ADAMTSL3: variants seen among roughly 807,000 people sequenced by gnomAD.
The protein encoded by ADAMTSL3 is ADAMTS like 3.
ADAMTSL3 carries 128 observed loss-of-function variants against 201.7 expected under a neutral mutation model. That is an observed-to-expected ratio of 0.63 (90% CI 0.55 to 0.73). The LOEUF (loss-of-function observed/expected upper bound fraction) is 0.73. Ranked by LOEUF, ADAMTSL3 falls within the 30% of genes least tolerant of loss-of-function variation. The pLI is 0.00. For synonymous variants in ADAMTSL3, 738 were observed against 748.4 expected, an observed-to-expected ratio of 0.99 and a Z score of 0.23; for missense variants, 1,990 against 2,119.6, an observed-to-expected ratio of 0.94 and a Z score of 1.20.
At chr15:83,839,137 T>C (rs949838110) in intron 7 of ADAMTSL3, among the ~76,000 whole-genome samples, 2 of 152,240 alleles carry the variant, frequency 1.3e-5, no homozygotes, top group African/African-American at 4.8e-5. Context: ...TACCCCCTTG[T>C]TGGTGGTATT....
chr15:83,794,549 A>T (rs529594999), intron 4 of ADAMTSL3, among the ~76,000 whole-genome samples: 33 of 152,310 alleles, frequency 2.2e-4, no homozygotes, highest in African/African-American at 7.9e-4. Flanking sequence ...AGTTATAAAA[A>T]TCCAATCTCT....
intron 19 of ADAMTSL3, among the ~76,000 whole-genome samples, chr15:83,960,502 G>A (rs1324777819): frequency 1.3e-5 from 2 of 152,064 alleles, no homozygotes; most frequent in Admixed American, 1.3e-4. Flanking sequence ...GGATCATGAA[G>A]TACCTCGGAA....
At chr15:83,655,932 C>A in intron 2 of ADAMTSL3, 102 bp downstream of exon 2, 1 of 1,214,006 alleles carries the variant, frequency 8.2e-7, no homozygotes, top group Non-Finnish European at 1.2e-6. Flanking sequence ...TAGTGTTAAT[C>A]CTACACCAGA....
At chr15:83,857,814 ATTG>A (rs1424307911) in intron 7 of ADAMTSL3, among the ~76,000 whole-genome samples, 1 of 152,212 alleles carries the variant, frequency 6.6e-6, no homozygotes, top group Non-Finnish European at 1.5e-5. Flanking sequence ...TCCAAAAAAA[ATTG>A]TTTTGCGTAA....
At chr15:84,005,595 G>A (rs1390786630) in intron 23 of ADAMTSL3, among the ~76,000 whole-genome samples, 1 of 152,216 alleles carries the variant, frequency 6.6e-6, no homozygotes, top group African/African-American at 2.4e-5. Flanking sequence ...GCAGTGAACT[G>A]TGTGGTGCTC....
chr15:83,803,236 A>C (rs966381676), intron 4 of ADAMTSL3, among the ~76,000 whole-genome samples: 1 of 152,184 alleles, frequency 6.6e-6, no homozygotes, highest in African/African-American at 2.4e-5. Context: ...TTCTTGGCAC[A>C]TTACTGGTTT....
intron 18 of ADAMTSL3, 39 bp from the exon 19 acceptor site, chr15:83,942,863 TG>T: frequency 6.2e-7 from 1 of 1,605,766 alleles, no homozygotes; most frequent in Non-Finnish European, 8.5e-7. Context: ...TAACATAGAG[TG>T]GGCCAAGCCT....
At chr15:83,675,934 A>C (rs750844711) in intron 2 of ADAMTSL3, among the ~76,000 whole-genome samples, 12 of 151,990 alleles carry the variant, frequency 7.9e-5, no homozygotes, top group Non-Finnish European at 1.5e-4. Flanking sequence ...ATCTGTAGTG[A>C]TACCCATTTC....
chr15:83,861,039 G>A (rs1051772580), intron 8 of ADAMTSL3, among the ~76,000 whole-genome samples: 11 of 152,150 alleles, frequency 7.2e-5, no homozygotes, highest in Non-Finnish European at 1.6e-4. Context: ...TGGCTCAGAG[G>A]GTCCTATGCC....
intron 4 of ADAMTSL3, among the ~76,000 whole-genome samples, chr15:83,787,802 C>T (rs186126270): frequency 6.6e-6 from 1 of 152,256 alleles, no homozygotes; most frequent in East Asian, 1.9e-4. Context: ...CTGCTCCTTT[C>T]TCTTCCTTTC....
rs73439446 is a variant in ADAMTSL3, at chr15:83,838,436, G to A, written c.727+221G>A. Among the ~76,000 whole-genome samples the A allele has an allele frequency of 0.016, 2,479 of 152,044 alleles. 75 individuals are homozygous for A. The highest frequency in any genetic ancestry group is 0.055 in the African/African-American group (2,299 of 41,458). ...TTTCTTTGAACCTTTGCCAATGCAG[G>A]GTATTACTGTTTTAAAAAAATATAT... On this transcript the variant is annotated intron_variant, in intron 7 of 29. Transcript: ENST00000286744.
rs1248089594 is a variant in ADAMTSL3 at position 83,842,929 on chromosome 15, A to T, written c.727+4714A>T. On this transcript the variant is annotated intron_variant, in intron 7 of 29. Transcript: ENST00000286744. ...TTTGTCAGGGTCCAAGAAAGATTAG[A>T]ACTTGAGATAATTCTAATTGAACCA... 2.0e-5 allele frequency among the ~76,000 whole-genome samples: 3 copies of T among 152,214 alleles called. No homozygotes were observed. In the East Asian group the frequency reaches 5.8e-4, roughly 29 times the overall value.
chr15:83,876,369 T>C (rs1408729464), intron 9 of ADAMTSL3, among the ~76,000 whole-genome samples: 1 of 152,132 alleles, frequency 6.6e-6, no homozygotes, highest in African/African-American at 2.4e-5. Context: ...ACTTCTTTTA[T>C]CTTTGTATGG....
intron 7 of ADAMTSL3, among the ~76,000 whole-genome samples, chr15:83,847,510 T>TA (rs1460619853): frequency 3.3e-5 from 5 of 151,858 alleles, no homozygotes; most frequent in African/African-American, 1.2e-4. Context: ...TTTTTTTTTT[T>TA]TTGAGATGGA....
chr15:83,870,747 G>A, intron 8 of ADAMTSL3, 55 bp from the exon 9 acceptor site: 3 of 1,412,274 alleles, frequency 2.1e-6, no homozygotes, highest in Non-Finnish European at 2.9e-6. Context: ...AATGTCTTTT[G>A]TAATAAAATA....
At chr15:83,752,858 G>A (rs772280234) in intron 3 of ADAMTSL3, among the ~76,000 whole-genome samples, 14 of 152,108 alleles carry the variant, frequency 9.2e-5, no homozygotes, top group South Asian at 2.1e-4. Flanking sequence ...TATAGAGACC[G>A]TTTGCTCATA....
intron 2 of ADAMTSL3, among the ~76,000 whole-genome samples, chr15:83,656,169 A>G (rs2061080784): frequency 1.3e-5 from 2 of 152,338 alleles, no homozygotes; most frequent in African/African-American, 4.8e-5. Flanking sequence ...AGACCAGGAA[A>G]CAATGGGCAG....
At chr15:83,831,563 C>T (rs1015354724) in intron 6 of ADAMTSL3, among the ~76,000 whole-genome samples, 1 of 152,180 alleles carries the variant, frequency 6.6e-6, no homozygotes, top group African/African-American at 2.4e-5. Context: ...GACAAAGTCT[C>T]TCTCACCCAG....
At position 83,830,592 on chromosome 15, in the gene ADAMTSL3, G is replaced by A. The variant is rs145512099; in HGVS notation, c.601-7497G>A. ...ACAGCCTCAGTGTGGTGTTGGAGTAGGCACTGGCAGGGGATGCAGGATGCA... is the reference window on the plus strand; with the variant it reads ...ACAGCCTCAGTGTGGTGTTGGAGTAAGCACTGGCAGGGGATGCAGGATGCA... On this transcript the variant is annotated intron_variant, in intron 6 of 29. Coordinates refer to ENST00000286744, the MANE Select transcript of ADAMTSL3 (RefSeq NM_207517.3). Among the ~76,000 whole-genome samples the A allele has an allele frequency of 6.9e-3, 1,052 of 152,366 alleles. 8 individuals are homozygous for A. The highest frequency in any genetic ancestry group is 0.024 in the African/African-American group (1,016 of 41,582).
Sources: gnomAD v4.1 joint callset for allele counts (sites outside exome capture counted in the v4.1 genomes callset) on GRCh38, gnomAD v4.1.1 for gene constraint, MANE v1.5 for transcripts, NCBI Gene and HGNC (gene_info 2026-07-23, HGNC 2026-07-21) for gene names.